The following NPEPPS variants were observed in gnomAD, a reference collection of about 807,000 sequenced individuals.
NPEPPS encodes puromycin-sensitive aminopeptidase.
A neutral mutation model predicts 115.5 loss-of-function variants in NPEPPS; 14 were observed. The ratio of observed to expected loss-of-function variants is 0.12; its 90% CI spans 0.08 to 0.19. The LOEUF (loss-of-function observed/expected upper bound fraction) is 0.19. Among genes scored for constraint, NPEPPS ranks in the 10% least tolerant of loss-of-function variants. The pLI, the probability that NPEPPS is intolerant of heterozygous loss-of-function variation, is 1.00. For synonymous variants in NPEPPS, 285 were observed against 390.6 expected (o/e 0.73, Z 3.19); for missense variants, 523 against 1,110.8 (o/e 0.47, Z 7.52).
rs945168601 is a variant in NPEPPS, at chr17:47,597,089, A to C, written c.1536+627A>C. The stretch of plus-strand genomic sequence containing the variant: ...CAATGTATTGATTTATAATCACTAC[A>C]TAAACAGAATCAAATGCAAATAGCA... On this transcript the variant is annotated intron_variant, in intron 13 of 22. Coordinates refer to ENST00000322157, the MANE Select transcript of NPEPPS (RefSeq NM_006310.4). Among the ~76,000 whole-genome samples the C allele has an allele frequency of 1.1e-4, 16 of 152,370 alleles. 1 individual carries two copies. The highest frequency in any genetic ancestry group is 3.6e-4 in the African/African-American group (15 of 41,596).
intron 15 of NPEPPS, chr17:47,602,105 G>A (rs1913235685): frequency 4.8e-6 from 1 of 210,408 alleles, no homozygotes; most frequent in South Asian, 7.4e-5. Context: ...GTGTACTACT[G>A]TAATCTAATG....
intron 15 of NPEPPS, chr17:47,603,604 A>G: frequency 4.8e-6 from 1 of 210,500 alleles, no homozygotes; most frequent in Middle Eastern, 1.7e-3. Flanking sequence ...AGGTGTTTTC[A>G]TATATATTAA....
intron 4 of NPEPPS, chr17:47,582,197 G>GTTTTATGT (rs1406643614): frequency 6.4e-6 from 1 of 155,784 alleles, no homozygotes; most frequent in African/African-American, 2.4e-5. Flanking sequence ...AGTGGCGACA[G>GTTTTATGT]TTTTATGTGT....
At chr17:47,533,649 T>G (rs1422899893) in intron 1 of NPEPPS, among the ~76,000 whole-genome samples, 4 of 152,184 alleles carry the variant, frequency 2.6e-5, no homozygotes, top group African/African-American at 9.6e-5. Context: ...TTGATTTAAG[T>G]ATCGGGATAG....
chr17:47,529,350 G>A (rs1431631326), upstream of NPEPPS, among the ~76,000 whole-genome samples: 241 of 144,420 alleles, frequency 1.7e-3, no homozygotes, highest in African/African-American at 6.4e-3. Context: ...TGATCCTCCC[G>A]TCTCAGCCTC....
In NPEPPS at chr17:47,618,333, T is replaced by TATC. The variant is rs1340987062; in HGVS notation, c.2296-16_2296-14dup. 1 of 1,555,756 alleles carries TATC rather than the reference T, an allele frequency of 6.4e-7. No homozygotes were observed. Among genetic ancestry groups the TATC allele is most frequent in the Non-Finnish European group, 8.9e-7 (1 of 1,127,402 alleles). Reference sequence around the variant, plus strand: ...AGGGAGAGTTAACTATTCCTATCTTTATCTTTTTTCCTGTAGCTTCATAAA... The same window carrying TATC: ...AGGGAGAGTTAACTATTCCTATCTTTATCATCTTTTTTCCTGTAGCTTCATAAA... On this transcript the variant is annotated splice_polypyrimidine_tract_variant and intron_variant, in intron 19 of 22. Transcript: ENST00000322157.
intron 17 of NPEPPS, among the ~76,000 whole-genome samples, chr17:47,607,931 A>G (rs1450943542): frequency 6.6e-6 from 1 of 152,004 alleles, no homozygotes; most frequent in East Asian, 1.9e-4. Context: ...TGCAGCCTCG[A>G]ATTCCTGGAT....
Position 47,531,156 on chromosome 17 carries a change from C to G in NPEPPS, c.-145C>G. ...TGCGGGCCCTCCTCCCCTTCCCTCCCCTCCGCCCCCTTCCCCGTAGGCAGC... is the reference window on the plus strand; with the variant it reads ...TGCGGGCCCTCCTCCCCTTCCCTCCGCTCCGCCCCCTTCCCCGTAGGCAGC... On this transcript the variant is annotated 5_prime_UTR_variant, in exon 1 of 23. Coordinates refer to ENST00000322157, the MANE Select transcript of NPEPPS (RefSeq NM_006310.4). The G allele has an allele frequency of 2.9e-6, 3 of 1,017,746 alleles. No individual in the cohort carries two copies. Among genetic ancestry groups the G allele is most frequent in the Non-Finnish European group, 3.8e-6 (3 of 783,596 alleles). 63.0% of individuals were successfully genotyped at this position (1,017,746 alleles called of 1,614,324 possible).
At chr17:47,526,003 G>A (rs1056812695) in intron 1 of NPEPPS, among the ~76,000 whole-genome samples, 9 of 152,128 alleles carry the variant, frequency 5.9e-5, no homozygotes, top group Non-Finnish European at 1.0e-4. Flanking sequence ...CTGAGGTCGG[G>A]AGTTTGAGAT....
intron 2 of NPEPPS, among the ~76,000 whole-genome samples, chr17:47,561,346 C>CAAAAA (rs71365075): frequency 1.6e-5 from 1 of 60,748 alleles, no homozygotes; most frequent in African/African-American, 7.1e-5. Context: ...GACCCTGTCT[C>CAAAAA]AAAAAAAAAA....
chr17:47,615,204 A>G (rs1019819026), intron 19 of NPEPPS, among the ~76,000 whole-genome samples: 28 of 150,866 alleles, frequency 1.9e-4, no homozygotes, highest in Admixed American at 1.7e-3. Context: ...CAGCCTCCCA[A>G]GTAGCTGGGA....
chr17:47,598,208 C>T (rs1912991156), intron 13 of NPEPPS, among the ~76,000 whole-genome samples: 1 of 152,222 alleles, frequency 6.6e-6, no homozygotes, highest in South Asian at 2.1e-4. Context: ...GGCACAGTGG[C>T]TCACGCCTGT....
chr17:47,549,381 T>C (rs970445459), intron 2 of NPEPPS, among the ~76,000 whole-genome samples: 4 of 151,934 alleles, frequency 2.6e-5, no homozygotes, highest in African/African-American at 9.7e-5. Context: ...GGTACATTTC[T>C]CAACACTTTT....
At chr17:47,612,663 CTTTTT>C (rs35841962) in intron 18 of NPEPPS, 61 bp downstream of exon 18, 251 of 1,091,332 alleles carry the variant, frequency 2.3e-4, no homozygotes, top group East Asian at 3.3e-4. Context: ...AAGCATGGAA[CTTTTT>C]TTTTTTTTTT....
chr17:47,572,038 C>T (rs894454746), intron 3 of NPEPPS, among the ~76,000 whole-genome samples: 6 of 123,374 alleles, frequency 4.9e-5, no homozygotes, highest in African/African-American at 1.6e-4. Flanking sequence ...TAGTAGTGAG[C>T]GGGCAGCCAC....
At chr17:47,528,654 G>A (rs1408399953), upstream of NPEPPS, among the ~76,000 whole-genome samples, 2 of 151,368 alleles carry the variant, frequency 1.3e-5, no homozygotes, top group Non-Finnish European at 2.9e-5. Context: ...TTTTTGAGAC[G>A]GAGTTTCACT....
intron 2 of NPEPPS, among the ~76,000 whole-genome samples, chr17:47,566,731 A>G (rs1346142452): frequency 6.6e-6 from 1 of 151,956 alleles, no homozygotes; most frequent in African/African-American, 2.4e-5. Flanking sequence ...CCCAGAAAGG[A>G]ACATTCTTAA....
upstream of NPEPPS, among the ~76,000 whole-genome samples, chr17:47,528,258 C>T (rs1281071088): frequency 4.6e-5 from 7 of 151,754 alleles, no homozygotes; most frequent in Non-Finnish European, 7.4e-5. Flanking sequence ...GCTTAGATCA[C>T]GCCACTGCAC....
intron 15 of NPEPPS, 170 bp from the exon 16 acceptor site, chr17:47,603,745 T>G: frequency 2.1e-6 from 1 of 483,526 alleles, no homozygotes. Flanking sequence ...TGTCTGTGCA[T>G]TCATTCTGTC....
Sources: gnomAD v4.1 joint callset for allele counts (sites outside exome capture counted in the v4.1 genomes callset) on GRCh38, gnomAD v4.1.1 for gene constraint, MANE v1.5 for transcripts, NCBI Gene and HGNC (gene_info 2026-07-23, HGNC 2026-07-21) for gene names.